The following ZBTB20 variants were observed in gnomAD, a reference collection of about 807,000 sequenced individuals.
ZBTB20 encodes the protein zinc finger and BTB domain-containing protein 20.
A neutral mutation model predicts 56.9 loss-of-function variants in ZBTB20; 9 were observed. That is an observed-to-expected ratio of 0.16 (90% CI 0.10 to 0.28). The LOEUF is 0.28. Ranked by LOEUF, ZBTB20 falls within the 10% of genes least tolerant of loss-of-function variation. The probability of loss-of-function intolerance (pLI) is 1.00; values close to 1 mark genes in which losing one functional copy is unlikely to be tolerated. For synonymous variants in ZBTB20, 417 were observed against 420.7 expected (o/e 0.99, Z 0.11); for missense variants, 655 against 1,003.0 (o/e 0.65, Z 4.69).
chr3:114,927,572 A>T (rs970071629), intron 3 of ZBTB20, among the ~76,000 whole-genome samples: 2 of 152,224 alleles, frequency 1.3e-5, no homozygotes, highest in African/African-American at 4.8e-5. Context: ...GAAGGAAAAA[A>T]CAATTGAAGA....
intron 4 of ZBTB20, among the ~76,000 whole-genome samples, chr3:114,846,785 A>G (rs1329751678): frequency 6.6e-6 from 1 of 152,212 alleles, no homozygotes; most frequent in African/African-American, 2.4e-5. Flanking sequence ...ACTATAAACC[A>G]GAGAAATCTT....
At chr3:114,741,836 G>GC (rs943194265) in intron 5 of ZBTB20, among the ~76,000 whole-genome samples, 159 of 149,082 alleles carry the variant, frequency 1.1e-3, no homozygotes, top group African/African-American at 3.7e-3. Flanking sequence ...AGCCAAGATT[G>GC]CCCCACTGCA....
chr3:114,757,380 G>T (rs995430222), intron 5 of ZBTB20, among the ~76,000 whole-genome samples: 6 of 152,154 alleles, frequency 3.9e-5, no homozygotes, highest in African/African-American at 1.4e-4. Context: ...GCAAAAGTAG[G>T]TGGTTGCAAA....
At chr3:114,566,255 T>C (rs2052733393) in intron 6 of ZBTB20, among the ~76,000 whole-genome samples, 1 of 152,192 alleles carries the variant, frequency 6.6e-6, no homozygotes, top group Non-Finnish European at 1.5e-5. Flanking sequence ...AAACTCTTTC[T>C]AACCAGTTCT....
chr3:114,625,719 T>TC (rs914199403), intron 6 of ZBTB20, among the ~76,000 whole-genome samples: 18 of 152,020 alleles, frequency 1.2e-4, no homozygotes, highest in African/African-American at 3.9e-4. Context: ...AACATAGACC[T>TC]CCATTAGACC....
chr3:114,355,858 C>A (rs1024012985), intron 10 of ZBTB20, among the ~76,000 whole-genome samples: 1 of 151,330 alleles, frequency 6.6e-6, no homozygotes, highest in Non-Finnish European at 1.5e-5. Flanking sequence ...ACACACACAC[C>A]CAAACCCCAA....
At chr3:114,779,607 C>G (rs1197616162) in intron 5 of ZBTB20, among the ~76,000 whole-genome samples, 1 of 151,978 alleles carries the variant, frequency 6.6e-6, no homozygotes, top group Non-Finnish European at 1.5e-5. Flanking sequence ...CTACCTTAAC[C>G]CTTTTAGCAC....
chr3:114,531,917 C>T (rs1336921918), intron 6 of ZBTB20, among the ~76,000 whole-genome samples: 5 of 152,158 alleles, frequency 3.3e-5, no homozygotes, highest in African/African-American at 9.7e-5. Context: ...GCCGAGAAAG[C>T]CGCGAGGGAC....
chr3:114,527,075 A>G (rs2047307898), intron 6 of ZBTB20: 1 of 152,238 alleles, frequency 6.6e-6, no homozygotes, highest in Admixed American at 6.5e-5. Context: ...AAACGGCAGC[A>G]TATCTAACCA....
rs535869144 is a variant in ZBTB20, at chr3:114,814,235, A to T, written c.-416-13061T>A. ...TACCCATTTTATTTTTTATTTACTTAATTTATATTATATATTTCACTTACT... is the reference window on the plus strand; with the variant it reads ...TACCCATTTTATTTTTTATTTACTTTATTTATATTATATATTTCACTTACT... On this transcript the variant is annotated intron_variant, in intron 4 of 11. Transcript: ENST00000675478. Among the ~76,000 whole-genome samples, 3 of 149,406 alleles carry T rather than the reference A, an allele frequency of 2.0e-5. No individual in the cohort carries two copies. In the Admixed American group the frequency reaches 2.0e-4, roughly 10 times the overall value.
At chr3:114,968,733 T>A (rs2077751521) in intron 3 of ZBTB20, among the ~76,000 whole-genome samples, 1 of 152,228 alleles carries the variant, frequency 6.6e-6, no homozygotes, top group South Asian at 2.1e-4. Flanking sequence ...AAAGAAATGA[T>A]TTTTATAATT....
rs143268164 is a variant in ZBTB20, at chr3:114,563,810, T to C, written c.-294-63419A>G. Among the ~76,000 whole-genome samples, 16 of 152,296 alleles carry C rather than the reference T, an allele frequency of 1.1e-4. No individual in the cohort carries two copies. The East Asian group carries it at 2.7e-3, about 26-fold the overall frequency. On this transcript the variant is annotated intron_variant, in intron 6 of 11. Coordinates refer to ENST00000675478, the MANE Select transcript of ZBTB20 (RefSeq NM_001348800.3). ...AATGGGCCTTAGAAGATTAAGTTAA[T>C]AAAGGCTTATTATTTTTCCTATAGC...
rs535313028 is a variant in ZBTB20 at position 114,425,978 on chromosome 3, A to T, written c.-254-36873T>A. Among the ~76,000 whole-genome samples, 193 of 152,300 alleles carry T rather than the reference A, an allele frequency of 1.3e-3. 1 individual carries two copies. Among genetic ancestry groups the T allele is most frequent in the Middle Eastern group, 0.01 (3 of 294 alleles). The stretch of plus-strand genomic sequence containing the variant: ...AATTTTCTTATGATGATGTTAACTC[A>T]AATATACCTTTTTAAACTAATATTC... On this transcript the variant is annotated intron_variant, in intron 7 of 11. Transcript: ENST00000675478.
intron 2 of ZBTB20, among the ~76,000 whole-genome samples, chr3:115,057,277 G>C (rs1191204151): frequency 6.7e-6 from 1 of 149,302 alleles, no homozygotes; most frequent in Non-Finnish European, 1.5e-5. Context: ...TTTTCTCTTT[G>C]TCTGCCTTTT....
At chr3:114,457,766 G>T (rs2060574152) in intron 7 of ZBTB20, among the ~76,000 whole-genome samples, 1 of 152,170 alleles carries the variant, frequency 6.6e-6, no homozygotes, top group South Asian at 2.1e-4. Context: ...CTGAGGTATA[G>T]AAAGATTGTG....
rs190199342 is a variant in ZBTB20, at chr3:115,116,062, T to C, written c.-703+31157A>G. ...AAATGGGCTTGGATTATTAGTATCA[T>C]CTTTTCTATGCTTTTTTTCAGTCAG... On this transcript the variant is annotated intron_variant, in intron 1 of 11. Coordinates refer to ENST00000675478, the MANE Select transcript of ZBTB20 (RefSeq NM_001348800.3). Among the ~76,000 whole-genome samples, 466 of 152,216 alleles carry C rather than the reference T, an allele frequency of 3.1e-3. 1 individual carries two copies. Among genetic ancestry groups the C allele is most frequent in the African/African-American group, 0.011 (443 of 41,570 alleles).
chr3:114,707,550 G>A (rs1016318794), intron 5 of ZBTB20, among the ~76,000 whole-genome samples: 13 of 152,186 alleles, frequency 8.5e-5, no homozygotes, highest in South Asian at 6.2e-4. Flanking sequence ...ATACATGCCC[G>A]ACCCTTTCCC....
At chr3:114,712,037 A>G (rs2064121348) in intron 5 of ZBTB20, among the ~76,000 whole-genome samples, 1 of 152,160 alleles carries the variant, frequency 6.6e-6, no homozygotes, top group African/African-American at 2.4e-5. Context: ...CTCCAAAGCA[A>G]AGGATAGAGA....
At chr3:114,386,927 A>C (rs2085208952) in intron 8 of ZBTB20, among the ~76,000 whole-genome samples, 1 of 152,184 alleles carries the variant, frequency 6.6e-6, no homozygotes, top group African/African-American at 2.4e-5. Flanking sequence ...GAGCAAGAAA[A>C]GAGAATGCTG....
Sources: allele counts gnomAD v4.1 joint callset (sites outside exome capture counted in the v4.1 genomes callset), GRCh38; gene constraint gnomAD v4.1.1; transcripts MANE v1.5; gene names NCBI Gene and HGNC (gene_info 2026-07-23, HGNC 2026-07-21).